Variants in TNIP1 observed in about 807,000 individuals in gnomAD.
The protein encoded by TNIP1 is TNFAIP3-interacting protein 1.
Under a neutral mutation model 86.6 loss-of-function variants are expected in TNIP1, and 22 were observed. The observed-to-expected ratio is 0.25, with a 90% CI of 0.18 to 0.36. The LOEUF (loss-of-function observed/expected upper bound fraction) is 0.36, where lower values mean the gene tolerates loss of function less well. Ranked by LOEUF, TNIP1 falls within the 10% of genes least tolerant of loss-of-function variation. TNIP1 has a pLI of 1.00. For missense variants in TNIP1, 709 were observed against 820.6 expected (o/e 0.86, Z 1.66); for synonymous variants, 294 against 313.0 (o/e 0.94, Z 0.64).
intron 1 of TNIP1, among the ~76,000 whole-genome samples, chr5:151,072,412 C>T (rs968250586): frequency 6.6e-6 from 1 of 152,222 alleles, no homozygotes; most frequent in Admixed American, 6.5e-5. Flanking sequence ...TTACCCAGTC[C>T]TCTGAGGAGC....
rs1363558862 is a variant in TNIP1, at chr5:151,054,096, C to T, written c.628-1837G>A. On this transcript the variant is annotated intron_variant, in intron 6 of 17. Coordinates refer to ENST00000521591, the MANE Select transcript of TNIP1 (RefSeq NM_006058.5). ...CAAGCATCACTCCTGGACTGGCCTA[C>T]GCACAATTCTCCAGTCTCTTTTTCC... Among the ~76,000 whole-genome samples the T allele has an allele frequency of 2.0e-5, 3 of 152,332 alleles. No homozygotes were observed. In the East Asian group the frequency reaches 5.8e-4, roughly 29 times the overall value.
Position 151,074,459 on chromosome 5 carries a change from C to G in TNIP1, c.-37+6421G>C, listed in dbSNP as rs58879472. On this transcript the variant is annotated intron_variant, in intron 1 of 17. Coordinates refer to ENST00000521591, the MANE Select transcript of TNIP1 (RefSeq NM_006058.5). ...CACAGATTCAAATCCTGGCTATGAT[C>G]CCTTCTCGAATGACCCTGGGTAGGC... is the stretch of plus-strand genomic sequence containing the variant. Among the ~76,000 whole-genome samples, 1,082 of 152,254 alleles carry G rather than the reference C, an allele frequency of 7.1e-3. 16 individuals are homozygous for G. The highest frequency in any genetic ancestry group is 0.024 in the African/African-American group (1,006 of 41,540).
intron 8 of TNIP1, among the ~76,000 whole-genome samples, chr5:151,048,685 T>C (rs1759498546): frequency 6.6e-6 from 1 of 152,014 alleles, no homozygotes; most frequent in South Asian, 2.1e-4. Flanking sequence ...TCCAGGGAAT[T>C]CCACACCTGA....
chr5:151,080,957 G>A lies in TNIP1; in HGVS notation c.-114C>T, dbSNP rs1763963428. The A allele has an allele frequency of 6.6e-6, 1 of 152,132 alleles. No individual in the cohort carries two copies. The highest frequency in any genetic ancestry group is 1.5e-5 in the Non-Finnish European group (1 of 68,006). The allele number at this position is 152,132 out of a possible 1,614,324, so 9.4% of individuals were successfully genotyped here. A position where few individuals can be genotyped will look rare whatever the true frequency, so the allele number is the denominator to read the frequency against. On this transcript the variant is annotated 5_prime_UTR_variant, in exon 1 of 18. Transcript: ENST00000521591. ...GAATCCAGGGACGGGGCAGCGGCCC[G>A]GGCAAGGCTCCGGCCCCCCGTAGCA...
At position 151,030,667 on chromosome 5, in the gene TNIP1, G is replaced by A; in HGVS notation, c.*46C>T. The A allele has an allele frequency of 2.5e-6, 4 of 1,613,866 alleles. No homozygotes were observed. The highest frequency in any genetic ancestry group is 2.5e-6 in the Non-Finnish European group (3 of 1,179,840). The stretch of plus-strand genomic sequence containing the variant: ...CTAGTTTCTTGGCAATCTGAGATCA[G>A]CTGGCTCTGCAAGATGAAGGTGGAG... On this transcript the variant is annotated 3_prime_UTR_variant, in exon 18 of 18. Coordinates refer to ENST00000521591, the MANE Select transcript of TNIP1 (RefSeq NM_006058.5).
At chr5:151,081,115 CTCCGGGCGG>C (rs1763988157), upstream of TNIP1, 1 of 152,234 alleles carries the variant, frequency 6.6e-6, no homozygotes, top group African/African-American at 2.4e-5. Context: ...GCGCCGCGCG[CTCCGGGCGG>C]GCCCGCGGCC....
At chr5:151,074,897 C>T (rs1763207653) in intron 1 of TNIP1, among the ~76,000 whole-genome samples, 1 of 152,182 alleles carries the variant, frequency 6.6e-6, no homozygotes. Flanking sequence ...CCCACCTTAG[C>T]CTCTCAAGTA....
upstream of TNIP1, chr5:151,081,139 G>A (rs1397322295): frequency 6.6e-6 from 1 of 152,140 alleles, no homozygotes; most frequent in Non-Finnish European, 1.5e-5. Context: ...GCGGCCGCCT[G>A]GGGTGGGACC....
intron 1 of TNIP1, among the ~76,000 whole-genome samples, chr5:151,066,997 A>C (rs1762313628): frequency 6.6e-6 from 1 of 152,138 alleles, no homozygotes; most frequent in Admixed American, 6.5e-5. Flanking sequence ...AGAAAAACAA[A>C]GTTCTGATGA....
At position 151,030,630 on chromosome 5, in the gene TNIP1, T is replaced by TG; in HGVS notation, c.*82dup. ...TCCAGCTGAGGCTCTGGCCACACCG[T>TG]GCAAGTGGCTTCTAGTTTCTTGGCA... On this transcript the variant is annotated 3_prime_UTR_variant, in exon 18 of 18. Coordinates refer to ENST00000521591, the MANE Select transcript of TNIP1 (RefSeq NM_006058.5). 2.5e-6 allele frequency: 4 copies of TG among 1,606,632 alleles called. No individual in the cohort carries two copies. The highest frequency in any genetic ancestry group is 3.4e-6 in the Non-Finnish European group (4 of 1,175,734).
At chr5:151,061,480 A>ATT (rs5872187) in intron 4 of TNIP1, among the ~76,000 whole-genome samples, 5,261 of 146,356 alleles carry the variant, frequency 0.036, 108 homozygotes, top group South Asian at 0.059. Flanking sequence ...AAATCTGTAG[A>ATT]TTTTTTTTTT....
chr5:151,059,866 TGCGCGC>T (rs72220408), intron 5 of TNIP1, among the ~76,000 whole-genome samples: 2,993 of 81,896 alleles, frequency 0.037, 77 homozygotes, highest in Middle Eastern at 0.083. Flanking sequence ...TGTGTGTGTG[TGCGCGC>T]GCGCGCGCGC....
chr5:151,034,999 C>T lies in TNIP1; in HGVS notation c.1587+3G>A. 1 of 1,614,110 alleles carries T rather than the reference C, an allele frequency of 6.2e-7. No homozygotes were observed. Among genetic ancestry groups the T allele is most frequent in the Non-Finnish European group, 8.5e-7 (1 of 1,179,986 alleles). On this transcript the variant is annotated splice_donor_region_variant and intron_variant, in intron 15 of 17. Coordinates refer to ENST00000521591, the MANE Select transcript of TNIP1 (RefSeq NM_006058.5). ...TGCTGCTACCTCCCTCAAGCCTCCT[C>T]ACCTTTGCTTTCCTCTTCTGCTGTC...
chr5:151,052,294 G>A lies in TNIP1; in HGVS notation c.628-35C>T, dbSNP rs755749207. On this transcript the variant is annotated intron_variant, in intron 6 of 17. Transcript: ENST00000521591. ...AGGGGAACAGACAGGGTGAGGGAAA[G>A]GAGGGGCCCCTCCCAGGTGCAGGCT... 3.1e-6 allele frequency: 5 copies of A among 1,589,074 alleles called. No individual in the cohort carries two copies. In the South Asian group the frequency reaches 5.6e-5, roughly 18 times the overall value.
chr5:151,048,800 G>C (rs1759519485), intron 8 of TNIP1, among the ~76,000 whole-genome samples: 1 of 152,178 alleles, frequency 6.6e-6, no homozygotes, highest in Non-Finnish European at 1.5e-5. Context: ...AAGAAAAGAG[G>C]ATCTCCATGG....
chr5:151,062,496 G>A (rs937450169), intron 3 of TNIP1, among the ~76,000 whole-genome samples: 2 of 152,132 alleles, frequency 1.3e-5, no homozygotes, highest in African/African-American at 4.8e-5. Flanking sequence ...CAATGATAAA[G>A]ACAATGATTT....
At chr5:151,042,106 A>C (rs1401509520) in intron 11 of TNIP1, among the ~76,000 whole-genome samples, 1 of 151,826 alleles carries the variant, frequency 6.6e-6, no homozygotes, top group Non-Finnish European at 1.5e-5. Flanking sequence ...ACACCTGGCT[A>C]AGTTTTGTAT....
At chr5:151,063,060 A>C (rs1180167274) in intron 3 of TNIP1, among the ~76,000 whole-genome samples, 1 of 152,166 alleles carries the variant, frequency 6.6e-6, no homozygotes, top group Non-Finnish European at 1.5e-5. Flanking sequence ...CATACATGGG[A>C]CTTCAACCCC....
At chr5:151,062,093 G>A (rs1263106764) in intron 4 of TNIP1, 34 bp downstream of exon 4, 1 of 1,600,908 alleles carries the variant, frequency 6.2e-7, no homozygotes, top group African/African-American at 1.3e-5. Flanking sequence ...GTCCATCCAG[G>A]CAACCTCCAC....
Sources: allele counts gnomAD v4.1 joint callset (sites outside exome capture counted in the v4.1 genomes callset), GRCh38; gene constraint gnomAD v4.1.1; transcripts MANE v1.5; gene names NCBI Gene and HGNC (gene_info 2026-07-23, HGNC 2026-07-21).